Variants in SNTB1 observed in about 807,000 individuals in gnomAD.
SNTB1 encodes the protein syntrophin beta 1, also known as beta-1-syntrophin.
A neutral mutation model predicts 48.9 loss-of-function variants in SNTB1; 36 were observed. The ratio of observed to expected loss-of-function variants is 0.74; its 90% CI spans 0.56 to 0.97. The LOEUF is 0.97. Among genes scored for constraint, SNTB1 ranks in the 50% least tolerant of loss-of-function variants. The pLI, the probability that SNTB1 is intolerant of heterozygous loss-of-function variation, is 0.00. For missense variants in SNTB1, 786 were observed against 703.4 expected (o/e 1.12, Z -1.33); for synonymous variants, 299 against 294.6 (o/e 1.01, Z -0.15).
At position 120,648,859 on chromosome 8, in the gene SNTB1, T is replaced by C. The variant is rs1277865628; in HGVS notation, c.789-16208A>G. 4.6e-5 allele frequency among the ~76,000 whole-genome samples: 7 copies of C among 152,168 alleles called. No homozygotes were observed. In the East Asian group the frequency reaches 1.2e-3, roughly 25 times the overall value. ...AGTCCCATATTTCTTGGAGGCTTTG[T>C]TCATTTCTTTTTATTCTTTTTTCTC... On this transcript the variant is annotated intron_variant, in intron 2 of 6. Transcript: ENST00000517992.
chr8:120,571,081 G>A (rs542390304), intron 4 of SNTB1: 2 of 639,396 alleles, frequency 3.1e-6, no homozygotes, highest in East Asian at 1.4e-4. Flanking sequence ...ATTTATAAAT[G>A]TTGACTGATG....
At chr8:120,687,137 T>C (rs1237912875) in intron 2 of SNTB1, among the ~76,000 whole-genome samples, 2 of 152,174 alleles carry the variant, frequency 1.3e-5, no homozygotes. Context: ...GGCAATAATG[T>C]ACCCCCAAAC....
chr8:120,738,170 C>T (rs1818980349), intron 1 of SNTB1, among the ~76,000 whole-genome samples: 1 of 152,154 alleles, frequency 6.6e-6, no homozygotes, highest in South Asian at 2.1e-4. Flanking sequence ...AAGACACCTT[C>T]TATGAACCAT....
chr8:120,663,580 T>C (rs915222084), intron 2 of SNTB1, among the ~76,000 whole-genome samples: 2 of 152,140 alleles, frequency 1.3e-5, no homozygotes, highest in African/African-American at 4.8e-5. Flanking sequence ...GTGCTGGGAT[T>C]ACAGGCATGA....
chr8:120,567,059 C>T (rs564826317), intron 4 of SNTB1, among the ~76,000 whole-genome samples: 8 of 152,266 alleles, frequency 5.3e-5, no homozygotes, highest in Middle Eastern at 6.8e-3. Flanking sequence ...ATCTCAGGTC[C>T]ATCTCTTACT....
rs571436899 is a variant in SNTB1, at chr8:120,791,257, T to C, written c.571+20016A>G. The stretch of plus-strand genomic sequence containing the variant: ...AATTGAATGGCCACATGTAGAAGAA[T>C]GAATCCGGATCCTATTTCTCACCAT... On this transcript the variant is annotated intron_variant, in intron 1 of 6. Coordinates refer to ENST00000517992, the MANE Select transcript of SNTB1 (RefSeq NM_021021.4). Among the ~76,000 whole-genome samples the C allele has an allele frequency of 2.6e-5, 4 of 151,986 alleles. No individual in the cohort carries two copies. In the South Asian group the frequency reaches 8.3e-4, roughly 32 times the overall value.
Position 120,642,748 on chromosome 8 carries a change from C to T in SNTB1, c.789-10097G>A, listed in dbSNP as rs555207434. ...GGCAAGTAGGGAGGCCCCAACTCTA[C>T]AAAAAATTTAAAAATTAGTCAGGCA... On this transcript the variant is annotated intron_variant, in intron 2 of 6. Coordinates refer to ENST00000517992, the MANE Select transcript of SNTB1 (RefSeq NM_021021.4). Among the ~76,000 whole-genome samples the T allele has an allele frequency of 3.3e-5, 5 of 152,052 alleles. No individual in the cohort carries two copies. The South Asian group carries it at 1.0e-3, about 32-fold the overall frequency.
At chr8:120,652,536 T>C (rs927684799) in intron 2 of SNTB1, among the ~76,000 whole-genome samples, 17 of 152,024 alleles carry the variant, frequency 1.1e-4, no homozygotes, top group African/African-American at 2.4e-5. Flanking sequence ...TTTTTTTTTT[T>C]CTTAAGCCAG....
chr8:120,575,968 TC>T (rs1815944169), intron 3 of SNTB1, among the ~76,000 whole-genome samples: 1 of 152,204 alleles, frequency 6.6e-6, no homozygotes, highest in Non-Finnish European at 1.5e-5. Context: ...TTCCCAAACT[TC>T]CTATATGTTC....
Position 120,629,036 on chromosome 8 carries a change from C to T in SNTB1, c.996+3408G>A, listed in dbSNP as rs115836694. 7.1e-3 allele frequency among the ~76,000 whole-genome samples: 1,076 copies of T among 152,148 alleles called. 20 individuals carry two copies. The highest frequency in any genetic ancestry group is 0.025 in the African/African-American group (1,018 of 41,514). On this transcript the variant is annotated intron_variant, in intron 3 of 6. Coordinates refer to ENST00000517992, the MANE Select transcript of SNTB1 (RefSeq NM_021021.4). ...CAAGTTCCAGTCGAGGTGTCAGGTC[C>T]GCTTGTCACTTTTCTCCAGGATGAA...
chr8:120,782,645 G>T (rs976071734), intron 1 of SNTB1, among the ~76,000 whole-genome samples: 1 of 151,824 alleles, frequency 6.6e-6, no homozygotes, highest in African/African-American at 2.4e-5. Flanking sequence ...TAGTATAAAC[G>T]TAACAAATGT....
intron 3 of SNTB1, among the ~76,000 whole-genome samples, chr8:120,580,889 C>T (rs1816036611): frequency 6.6e-6 from 1 of 151,952 alleles, no homozygotes; most frequent in African/African-American, 2.4e-5. Context: ...TCTAGCTTGC[C>T]CTGAACAATC....
intron 1 of SNTB1, among the ~76,000 whole-genome samples, chr8:120,809,846 T>C (rs981493036): frequency 1.3e-5 from 2 of 152,168 alleles, no homozygotes; most frequent in Non-Finnish European, 2.9e-5. Flanking sequence ...TCGCAAATCC[T>C]CTAGACAAAC....
intron 2 of SNTB1, among the ~76,000 whole-genome samples, chr8:120,676,322 G>T (rs1025724700): frequency 6.6e-6 from 1 of 152,188 alleles, no homozygotes. Context: ...TATTCAAGAA[G>T]TTATGCACTT....
intron 1 of SNTB1, among the ~76,000 whole-genome samples, chr8:120,763,306 TAA>T (rs1819455757): frequency 1.3e-5 from 2 of 152,162 alleles, no homozygotes; most frequent in Non-Finnish European, 2.9e-5. Context: ...GGAATACTCT[TAA>T]AAATGGTTAG....
At chr8:120,548,130 TTCCTC>T (rs927215739) in intron 5 of SNTB1, among the ~76,000 whole-genome samples, 1 of 152,028 alleles carries the variant, frequency 6.6e-6, no homozygotes, top group African/African-American at 2.4e-5. Flanking sequence ...GTGCGGCACT[TTCCTC>T]TCCTCTCTAT....
chr8:120,566,858 G>C (rs1362466133), intron 4 of SNTB1, among the ~76,000 whole-genome samples: 1 of 152,158 alleles, frequency 6.6e-6, no homozygotes, highest in East Asian at 1.9e-4. Context: ...TGCATGATTA[G>C]GGGTAACAAT....
intron 2 of SNTB1, among the ~76,000 whole-genome samples, chr8:120,692,834 T>G (rs1230624899): frequency 6.6e-6 from 1 of 152,218 alleles, no homozygotes; most frequent in Non-Finnish European, 1.5e-5. Context: ...GAAATATTAC[T>G]ATTGCTTATA....
At chr8:120,605,140 T>C (rs1816493350) in intron 3 of SNTB1, among the ~76,000 whole-genome samples, 1 of 152,212 alleles carries the variant, frequency 6.6e-6, no homozygotes, top group Non-Finnish European at 1.5e-5. Flanking sequence ...GAGTGGATGA[T>C]GTATAAGCTT....
Sources: gnomAD v4.1 joint callset for allele counts (sites outside exome capture counted in the v4.1 genomes callset) on GRCh38, gnomAD v4.1.1 for gene constraint, MANE v1.5 for transcripts, NCBI Gene and HGNC (gene_info 2026-07-23, HGNC 2026-07-21) for gene names.